Variants in KCNQ1 observed in about 807,000 individuals in gnomAD.
KCNQ1 encodes the protein potassium voltage-gated channel subfamily KQT member 1.
A neutral mutation model predicts 72.4 loss-of-function variants in KCNQ1; 49 were observed. The observed-to-expected ratio is 0.68, with a 90% CI of 0.54 to 0.86. The LOEUF is 0.86. KCNQ1 is among the 40% of genes least tolerant of loss of function. The probability of loss-of-function intolerance (pLI) is 0.00; values close to 1 mark genes in which losing one functional copy is unlikely to be tolerated. For synonymous variants in KCNQ1, 450 were observed against 412.6 expected (o/e 1.09, Z -1.10); for missense variants, 790 against 945.1 (o/e 0.84, Z 2.15).
rs1405488837 is a variant in KCNQ1 at position 2,615,238 on chromosome 11, A to G, written c.1393+26384A>G. 13 of 398,136 alleles carry G rather than the reference A, an allele frequency of 3.3e-5. No homozygotes were observed. The East Asian group carries it at 4.3e-4, about 13-fold the overall frequency. The allele number at this position is 398,136 out of a possible 1,614,324, so 24.7% of individuals were successfully genotyped here. ...TAGAGGCACAAATGATTTTCTTAAA[A>G]TAAATGTTGAACATGTACCCTGCAA... On this transcript the variant is annotated intron_variant, in intron 10 of 15. Coordinates refer to ENST00000155840, the MANE Select transcript of KCNQ1 (RefSeq NM_000218.3).
intron 6 of KCNQ1, among the ~76,000 whole-genome samples, chr11:2,577,747 C>A (rs1055405389): frequency 6.6e-6 from 1 of 152,174 alleles, no homozygotes; most frequent in African/African-American, 2.4e-5. Flanking sequence ...AGAGACAGGC[C>A]GGAGTCTCCA....
At chr11:2,456,906 T>C (rs1589890162) in intron 1 of KCNQ1, among the ~76,000 whole-genome samples, 1 of 125,662 alleles carries the variant, frequency 8.0e-6, no homozygotes, top group East Asian at 2.3e-4. Flanking sequence ...GCCACTGCAC[T>C]CCAGCCTGGG....
intron 11 of KCNQ1, among the ~76,000 whole-genome samples, chr11:2,705,383 C>G (rs995182351): frequency 1.3e-5 from 2 of 152,096 alleles, no homozygotes; most frequent in Non-Finnish European, 2.9e-5. Flanking sequence ...CTTGATTAGC[C>G]GAACCCAACT....
In KCNQ1 at chr11:2,486,950, A is replaced by G. The variant is rs1189124641; in HGVS notation, c.387-40978A>G. ...ATGTTATATCCAAGAAATCATAGCC[A>G]AATCCAATGTCATGAAGCTTTTGCC... is the stretch of plus-strand genomic sequence containing the variant. On this transcript the variant is annotated intron_variant, in intron 1 of 15. Transcript: ENST00000155840. The surrounding 1 kb of genome is among the most constrained non-coding windows in gnomAD (Gnocchi z 5.0). 1.3e-5 allele frequency among the ~76,000 whole-genome samples: 2 copies of G among 152,180 alleles called. No homozygotes were observed. The highest frequency in any genetic ancestry group is 4.8e-5 in the African/African-American group (2 of 41,434).
At chr11:2,577,393 C>T (rs1043789386) in intron 6 of KCNQ1, among the ~76,000 whole-genome samples, 2 of 152,186 alleles carry the variant, frequency 1.3e-5, no homozygotes, top group Admixed American at 1.3e-4. Context: ...TGAGCTGAGA[C>T]CTCAAGACAC....
chr11:2,469,956 G>A (rs149783953), intron 1 of KCNQ1, among the ~76,000 whole-genome samples: 1,912 of 152,210 alleles, frequency 0.013, 34 homozygotes, highest in African/African-American at 0.042. Flanking sequence ...CACCACGCCC[G>A]GCCCTTTTAA....
rs1847862045 is a variant in KCNQ1 at position 2,543,900 on chromosome 11, A to G, written c.477+15882A>G. On this transcript the variant is annotated intron_variant, in intron 2 of 15. Coordinates refer to ENST00000155840, the MANE Select transcript of KCNQ1 (RefSeq NM_000218.3). This position sits in a 1 kb window ranked among gnomAD's most constrained non-coding sequence, Gnocchi z 5.6. ...CATCTTGACTCCTTTTAAGAGGTTC[A>G]GTTTATCATAAAATTGTCTCTTTCT... Among the ~76,000 whole-genome samples, 2 of 152,220 alleles carry G rather than the reference A, an allele frequency of 1.3e-5. No individual in the cohort carries two copies. The highest frequency in any genetic ancestry group is 2.4e-5 in the African/African-American group (1 of 41,450).
In KCNQ1 at chr11:2,734,650, G is replaced by C. The variant is rs1249255055; in HGVS notation, c.1515-34194G>C. Among the ~76,000 whole-genome samples, 10 of 152,038 alleles carry C rather than the reference G, an allele frequency of 6.6e-5. No homozygotes were observed. The highest frequency in any genetic ancestry group is 1.5e-4 in the Non-Finnish European group (10 of 67,976). Reference sequence around the variant, plus strand: ...GACTGGAGAGTAGGAGCAGGTCTCGGGGGTAGCTTCCTGAAGAGATGAGTC... The same window carrying C: ...GACTGGAGAGTAGGAGCAGGTCTCGCGGGTAGCTTCCTGAAGAGATGAGTC... On this transcript the variant is annotated intron_variant, in intron 11 of 15. Transcript: ENST00000155840. The surrounding 1 kb of genome is among the most constrained non-coding windows in gnomAD (Gnocchi z 7.0).
rs1016609237 is a variant in KCNQ1, at chr11:2,693,650, G to A, written c.1514+31569G>A. On this transcript the variant is annotated intron_variant, in intron 11 of 15. Transcript: ENST00000155840. ...GCCGTAGGAAAGGCTCTGGGAGAAA[G>A]GCTTTTAGTTCCGCAGACAGAGCAG... 6 of 398,550 alleles carry A rather than the reference G, an allele frequency of 1.5e-5. No individual in the cohort carries two copies. The Admixed American group carries it at 2.6e-4, about 18-fold the overall frequency. 24.7% of individuals were successfully genotyped at this position (398,550 alleles called of 1,614,324 possible).
In KCNQ1 at chr11:2,661,568, G is replaced by A. The variant is rs1849956902; in HGVS notation, c.1394-393G>A. The A allele has an allele frequency of 3.6e-6, 2 of 553,818 alleles. No individual in the cohort carries two copies. The highest frequency in any genetic ancestry group is 3.2e-6 in the Non-Finnish European group (1 of 311,852). The allele number at this position is 553,818 out of a possible 1,614,324, so 34.3% of individuals were successfully genotyped here. A position where few individuals can be genotyped will look rare whatever the true frequency, so the allele number is the denominator to read the frequency against. ...TCTGTCAATGTATGAGTGTGACAAT[G>A]TATGGTGGTGGGAGCTGTTGTCCCT... is the stretch of plus-strand genomic sequence containing the variant. On this transcript the variant is annotated intron_variant, in intron 10 of 15. Coordinates refer to ENST00000155840, the MANE Select transcript of KCNQ1 (RefSeq NM_000218.3). This position sits in a 1 kb window ranked among gnomAD's most constrained non-coding sequence, Gnocchi z 5.9.
rs997134652 is a variant in KCNQ1, at chr11:2,816,030, G to T, written c.1795-31737G>T. On this transcript the variant is annotated intron_variant, in intron 15 of 15. Transcript: ENST00000155840. This position sits in a 1 kb window ranked among gnomAD's most constrained non-coding sequence, Gnocchi z 6.8. ...AAGTGTGCACACAGTCCTGGGTGAG[G>T]GCTCCGTTAGATGAATGTGGACGGC... 2.0e-5 allele frequency among the ~76,000 whole-genome samples: 3 copies of T among 152,218 alleles called. No homozygotes were observed. The highest frequency in any genetic ancestry group is 4.4e-5 in the Non-Finnish European group (3 of 68,040).
Position 2,668,972 on chromosome 11 carries a change from C to T in KCNQ1, c.1514+6891C>T, listed in dbSNP as rs1322515691. On this transcript the variant is annotated intron_variant, in intron 11 of 15. Transcript: ENST00000155840. This position sits in a 1 kb window ranked among gnomAD's most constrained non-coding sequence, Gnocchi z 4.3. ...CTCCATCTGGGATTGATTTTTGTGT[C>T]CAATGTGAGGCCGAGGTCAAGGTCC... 1.3e-5 allele frequency: 5 copies of T among 398,496 alleles called. No individual in the cohort carries two copies. Among genetic ancestry groups the T allele is most frequent in the Non-Finnish European group, 2.2e-5 (5 of 226,078 alleles). 24.7% of individuals were successfully genotyped at this position (398,496 alleles called of 1,614,324 possible). A position where few individuals can be genotyped will look rare whatever the true frequency, so the allele number is the denominator to read the frequency against.
At chr11:2,793,541 T>C (rs982103533) in intron 15 of KCNQ1, among the ~76,000 whole-genome samples, 2 of 152,204 alleles carry the variant, frequency 1.3e-5, no homozygotes, top group Non-Finnish European at 2.9e-5. Context: ...GAAGAATCGC[T>C]TGAGCCCAGG....
At position 2,682,400 on chromosome 11, in the gene KCNQ1, C is replaced by G; in HGVS notation, c.1514+20319C>G. 1 of 398,612 alleles carries G rather than the reference C, an allele frequency of 2.5e-6. No individual in the cohort carries two copies. Among genetic ancestry groups the G allele is most frequent in the Non-Finnish European group, 4.4e-6 (1 of 226,088 alleles). The allele number at this position is 398,612 out of a possible 1,614,324, so 24.7% of individuals were successfully genotyped here. ...CAAGGAGCATGAGGGTATAGGCTGG[C>G]TGTTTCTATTCAGTGTTTTATCTTC... is the stretch of plus-strand genomic sequence containing the variant. On this transcript the variant is annotated intron_variant, in intron 11 of 15. Coordinates refer to ENST00000155840, the MANE Select transcript of KCNQ1 (RefSeq NM_000218.3). This position sits in a 1 kb window ranked among gnomAD's most constrained non-coding sequence, Gnocchi z 5.8.
rs1845926090 is a variant in KCNQ1, at chr11:2,734,750, G to T, written c.1515-34094G>T. Among the ~76,000 whole-genome samples the T allele has an allele frequency of 6.6e-6, 1 of 151,910 alleles. No homozygotes were observed. The highest frequency in any genetic ancestry group is 2.4e-5 in the African/African-American group (1 of 41,334). On this transcript the variant is annotated intron_variant, in intron 11 of 15. Coordinates refer to ENST00000155840, the MANE Select transcript of KCNQ1 (RefSeq NM_000218.3). The surrounding 1 kb of genome is among the most constrained non-coding windows in gnomAD (Gnocchi z 7.0). ...GAAGCTGCTATGTAGACAGAAGCGA[G>T]GGCAAGACCACCGCTCCTCCGCCAT...
intron 11 of KCNQ1, among the ~76,000 whole-genome samples, chr11:2,765,569 C>G (rs1327631571): frequency 6.6e-6 from 1 of 152,230 alleles, no homozygotes; most frequent in Non-Finnish European, 1.5e-5. Flanking sequence ...CTATCAGTTA[C>G]TGACGAGGTG....
intron 12 of KCNQ1, among the ~76,000 whole-genome samples, chr11:2,771,041 A>G (rs574686647): frequency 5.3e-5 from 8 of 152,256 alleles, no homozygotes; most frequent in Non-Finnish European, 1.0e-4. Flanking sequence ...GCAGAGGGAC[A>G]CAGGGAGCCT....
intron 1 of KCNQ1, among the ~76,000 whole-genome samples, chr11:2,514,825 C>T (rs1176311395): frequency 2.0e-5 from 3 of 152,158 alleles, no homozygotes; most frequent in Admixed American, 6.5e-5. Flanking sequence ...GACTCCGTCT[C>T]GAAAAGAGAC....
chr11:2,802,221 C>G (rs1224144050), intron 15 of KCNQ1, among the ~76,000 whole-genome samples: 3 of 152,240 alleles, frequency 2.0e-5, no homozygotes, highest in African/African-American at 4.8e-5. Flanking sequence ...CGAAGCCCAC[C>G]TGGTCTGTGA....
Sources: allele counts gnomAD v4.1 joint callset (sites outside exome capture counted in the v4.1 genomes callset), GRCh38; gene constraint gnomAD v4.1.1; non-coding constraint Gnocchi (gnomAD v3.1); transcripts MANE v1.5; gene names NCBI Gene and HGNC (gene_info 2026-07-23, HGNC 2026-07-21).